CNN2: variants seen among roughly 807,000 people sequenced by gnomAD.
CNN2 encodes the protein calponin 2.
CNN2 carries 21 observed loss-of-function variants against 31.0 expected under a neutral mutation model. That is an observed-to-expected ratio of 0.68 (90% CI 0.48 to 0.98). The LOEUF is 0.98. Ranked by LOEUF, CNN2 falls within the 50% of genes least tolerant of loss-of-function variation. The pLI is 0.00. For missense variants in CNN2, 399 were observed against 427.3 expected (o/e 0.93, Z 0.58); for synonymous variants, 165 against 179.6 (o/e 0.92, Z 0.65).
At position 1,038,032 on chromosome 19, in the gene CNN2, C is replaced by T. The variant is rs1420419576; in HGVS notation, c.*132C>T. On this transcript the variant is annotated 3_prime_UTR_variant, in exon 7 of 7. Transcript: ENST00000263097. ...TCAACCAAGGGTCTGTGAGTGTCAG[C>T]GTGGGATCAGGCAGCAGAGCTTTTT... 2.1e-5 allele frequency: 20 copies of T among 935,596 alleles called. No homozygotes were observed. Among genetic ancestry groups the T allele is most frequent in the Admixed American group, 2.0e-4 (7 of 34,322 alleles). 58.0% of individuals were successfully genotyped at this position (935,596 alleles called of 1,614,324 possible).
At chr19:1,032,864 C>T (rs1029076588) in intron 4 of CNN2, 168 bp downstream of exon 4, 8 of 590,478 alleles carry the variant, frequency 1.4e-5, no homozygotes, top group Non-Finnish European at 1.2e-5. Context: ...CTGCAACCTC[C>T]AACTCCCAGG....
chr19:1,035,472 C>T (rs1010406605), intron 4 of CNN2, among the ~76,000 whole-genome samples: 8 of 152,134 alleles, frequency 5.3e-5, no homozygotes, highest in Non-Finnish European at 1.2e-4. Flanking sequence ...CAGTGAGGGG[C>T]AGAGCCAATG....
chr19:1,031,338 T>TGGGGG (rs148657602), intron 2 of CNN2, 146 bp downstream of exon 2: 12 of 34,398 alleles, frequency 3.5e-4, no homozygotes, highest in African/African-American at 1.1e-3. Context: ...CCGAGGGTGG[T>TGGGGG]GGCGGGGGGC....
chr19:1,035,203 T>G (rs559066969), intron 4 of CNN2, among the ~76,000 whole-genome samples: 1 of 132,884 alleles, frequency 7.5e-6, no homozygotes, highest in African/African-American at 3.4e-5. Context: ...TGGGACACGG[T>G]GTCTGGTGTA....
intron 1 of CNN2, among the ~76,000 whole-genome samples, chr19:1,028,202 G>A (rs1364943579): frequency 6.6e-6 from 1 of 151,732 alleles, no homozygotes; most frequent in African/African-American, 2.4e-5. Flanking sequence ...GTACCTGCTG[G>A]GCCTGCGGAA....
intron 1 of CNN2, among the ~76,000 whole-genome samples, chr19:1,028,820 C>G (rs963775614): frequency 3.3e-5 from 5 of 152,142 alleles, no homozygotes; most frequent in South Asian, 2.1e-4. Flanking sequence ...CAGCAGCCAC[C>G]GTTCTCATTC....
At chr19:1,030,321 G>T (rs67476743) in intron 1 of CNN2, among the ~76,000 whole-genome samples, 38,134 of 152,130 alleles carry the variant, frequency 0.25, 5,211 homozygotes, top group East Asian at 0.38. Flanking sequence ...AGCTCCTTCG[G>T]GAGTTGCTAA....
chr19:1,029,887 C>T (rs931377397), intron 1 of CNN2, among the ~76,000 whole-genome samples: 6 of 151,970 alleles, frequency 3.9e-5, no homozygotes, highest in Admixed American at 1.3e-4. Flanking sequence ...TTAGTACAGA[C>T]GGGATTTCAC....
chr19:1,026,954 C>T (rs1380547520), intron 1 of CNN2: 2 of 499,210 alleles, frequency 4.0e-6, no homozygotes, highest in African/African-American at 4.2e-5. Flanking sequence ...GACGAGTGAC[C>T]CATTCCCCCC....
rs199749887 is a variant in CNN2, at chr19:1,032,412, C to G, written c.206C>G (p.Pro69Arg). The G allele has an allele frequency of 6.2e-7, 1 of 1,613,614 alleles. No homozygotes were observed. Among genetic ancestry groups the G allele is most frequent in the East Asian group, 2.2e-5 (1 of 44,868 alleles). Residue 69 changes from proline (P) to arginine (R), a missense_variant, in exon 3 of 7, where the codon CCG (proline) becomes CGG (arginine). Pro to Arg is a moderately radical substitution (Grantham distance 103). Transcript: ENST00000263097. ...ILCTLMNKLQ[P>R]GSVPKINRSM... ...TCCAGACTCATGAACAAGCTACAGC[C>G]GGGCTCCGTCCCCAAGATCAACCGC...
intron 6 of CNN2, chr19:1,036,984 A>G (rs1372411342): frequency 3.7e-6 from 1 of 269,654 alleles, no homozygotes; most frequent in Admixed American, 5.0e-5. Flanking sequence ...CAGCCTCCCG[A>G]GTAGCTGGGA....
chr19:1,029,414 G>A (rs570415024), intron 1 of CNN2, among the ~76,000 whole-genome samples: 4 of 69,212 alleles, frequency 5.8e-5, no homozygotes, highest in East Asian at 2.8e-4. Flanking sequence ...CAGCTCAGGG[G>A]ACCCTAACCC....
intron 1 of CNN2, among the ~76,000 whole-genome samples, chr19:1,027,357 TG>T (rs1400921021): frequency 6.6e-6 from 1 of 152,202 alleles, no homozygotes; most frequent in East Asian, 1.9e-4. Context: ...CTGAGATATG[TG>T]GGGTTTTGCA....
chr19:1,026,797 G>T (rs2039403456), intron 1 of CNN2, 73 bp downstream of exon 1: 1 of 1,426,794 alleles, frequency 7.0e-7, no homozygotes, highest in African/African-American at 1.5e-5. Context: ...GGAGCCCCCA[G>T]GCGCCCCCGG....
chr19:1,038,040 C>T lies in CNN2; in HGVS notation c.*140C>T, dbSNP rs1417749329. On this transcript the variant is annotated 3_prime_UTR_variant, in exon 7 of 7. Coordinates refer to ENST00000263097, the MANE Select transcript of CNN2 (RefSeq NM_004368.4). Reference sequence around the variant, plus strand: ...GGGTCTGTGAGTGTCAGCGTGGGATCAGGCAGCAGAGCTTTTTTCCCCTTT... The same window carrying T: ...GGGTCTGTGAGTGTCAGCGTGGGATTAGGCAGCAGAGCTTTTTTCCCCTTT... 2.3e-6 allele frequency: 2 copies of T among 876,238 alleles called. No homozygotes were observed. Among genetic ancestry groups the T allele is most frequent in the Non-Finnish European group, 3.4e-6 (2 of 588,204 alleles). The allele number at this position is 876,238 out of a possible 1,614,324, so 54.3% of individuals were successfully genotyped here.
At chr19:1,035,278 A>G (rs1187368100) in intron 4 of CNN2, among the ~76,000 whole-genome samples, 1 of 152,040 alleles carries the variant, frequency 6.6e-6, no homozygotes, top group Admixed American at 6.5e-5. Context: ...TGTTTGTGAC[A>G]TGGTGTCTCA....
rs533276727 is a variant in CNN2, at chr19:1,037,429, C to T, written c.655-196C>T. On this transcript the variant is annotated intron_variant, in intron 6 of 6. Coordinates refer to ENST00000263097, the MANE Select transcript of CNN2 (RefSeq NM_004368.4). ...CTGGGATTACAGGCATGTGCCACCA[C>T]GCCCAGCTAATTTTGTATTTTTGGG... The T allele has an allele frequency of 3.2e-4, 211 of 650,430 alleles. 2 individuals carry two copies. The South Asian group carries it at 3.6e-3, about 11-fold the overall frequency. The allele number at this position is 650,430 out of a possible 1,614,324, so 40.3% of individuals were successfully genotyped here.
chr19:1,032,458 G>A lies in CNN2; in HGVS notation c.252G>A (p.Gln84=). Residue 84 remains glutamine (Q), a splice_region_variant and synonymous_variant, in exon 3 of 7, where the codon CAG becomes CAA. Coordinates refer to ENST00000263097, the MANE Select transcript of CNN2 (RefSeq NM_004368.4). ...ACCGCTCCATGCAGAACTGGCACCA[G>A]GTGAGGGGCTGGTGGAGCGGAGCAG... is the stretch of plus-strand genomic sequence containing the variant. ...KINRSMQNWH[Q]LENLSNFIKA... 1 of 1,613,658 alleles carries A rather than the reference G, an allele frequency of 6.2e-7. No individual in the cohort carries two copies. Among genetic ancestry groups the A allele is most frequent in the Non-Finnish European group, 8.5e-7 (1 of 1,179,964 alleles).
intron 1 of CNN2, among the ~76,000 whole-genome samples, chr19:1,029,407 C>G (rs8109146): frequency 5.1e-5 from 3 of 58,774 alleles, no homozygotes; most frequent in African/African-American, 4.7e-4. Context: ...GCAGGTCCAG[C>G]TCAGGGGACC....
Sources: allele counts gnomAD v4.1 joint callset (sites outside exome capture counted in the v4.1 genomes callset), GRCh38; gene constraint gnomAD v4.1.1; transcripts MANE v1.5; gene names NCBI Gene and HGNC (gene_info 2026-07-23, HGNC 2026-07-21).